The following C4orf17 variants were observed in gnomAD, a reference collection of about 807,000 sequenced individuals.
C4orf17 encodes the protein chromosome 4 open reading frame 17.
Under a neutral mutation model 32.0 loss-of-function variants are expected in C4orf17, and 25 were observed. The ratio of observed to expected loss-of-function variants is 0.78; its 90% confidence interval spans 0.57 to 1.09. The LOEUF (loss-of-function observed/expected upper bound fraction) is 1.09. C4orf17 is among the 50% of genes least tolerant of loss of function. C4orf17 has a pLI of 0.00. For synonymous variants in C4orf17, 149 were observed against 145.8 expected (o/e 1.02, Z -0.16); for missense variants, 420 against 420.0 (o/e 1.00, Z 0.00).
chr4:99,516,966 A>G (rs1723198682), intron 2 of C4orf17, among the ~76,000 whole-genome samples: 2 of 151,868 alleles, frequency 1.3e-5, no homozygotes, highest in Non-Finnish European at 2.9e-5. Context: ...AAGAGGATCT[A>G]TTGGCTCAAG....
chr4:99,533,893 T>C (rs1046340787), intron 5 of C4orf17, among the ~76,000 whole-genome samples: 1 of 152,190 alleles, frequency 6.6e-6, no homozygotes, highest in Non-Finnish European at 1.5e-5. Flanking sequence ...CTAGGCTAGA[T>C]TCTCAAATCC....
intron 2 of C4orf17, among the ~76,000 whole-genome samples, chr4:99,514,691 G>A (rs938031513): frequency 6.6e-6 from 1 of 152,152 alleles, no homozygotes; most frequent in Non-Finnish European, 1.5e-5. Flanking sequence ...TGGAAAAACA[G>A]TATGTAGATT....
At chr4:99,536,275 C>T (rs34398286) in intron 5 of C4orf17, 14,278 of 174,278 alleles carry the variant, frequency 0.082, 1,191 homozygotes, top group African/African-American at 0.21. Flanking sequence ...TTGTGGGGAA[C>T]TCTTCCACGT....
At chr4:99,539,125 C>A in intron 6 of C4orf17, 38 bp from the exon 7 acceptor site, 1 of 1,572,276 alleles carries the variant, frequency 6.4e-7, no homozygotes, top group Non-Finnish European at 8.7e-7. Flanking sequence ...ATAATTGCAA[C>A]CTTCACTCCT....
chr4:99,523,556 A>G (rs1364758379), intron 3 of C4orf17, among the ~76,000 whole-genome samples: 2 of 152,140 alleles, frequency 1.3e-5, no homozygotes, highest in African/African-American at 4.8e-5. Flanking sequence ...AAGCCCACTT[A>G]TTTTCCCTTA....
rs771843873 is a variant in C4orf17 at position 99,537,699 on chromosome 4, A to G, written c.577A>G (p.Thr193Ala). Residue 193 changes from threonine to alanine, a missense_variant, in exon 6 of 9, where the codon ACT (threonine) becomes GCT (alanine). Thr to Ala is a moderately conservative substitution (Grantham distance 58, BLOSUM62 0). Coordinates refer to ENST00000326581, the MANE Select transcript of C4orf17 (RefSeq NM_032149.3). ...ILAKLCSILH[T>A]DSLAEVLQWL... ...GGCAAAGCTCTGTAGCATTTTGCAT[A>G]CTGATTCTCTGGCAGAAGTTTTACA... 6.2e-7 allele frequency: 1 copy of G among 1,612,822 alleles called. No homozygotes were observed. The highest frequency in any genetic ancestry group is 1.7e-5 in the Admixed American group (1 of 60,026).
chr4:99,536,126 G>C (rs1723558084), intron 5 of C4orf17: 1 of 333,914 alleles, frequency 3.0e-6, no homozygotes, highest in African/African-American at 2.2e-5. Flanking sequence ...GGGGTACTGA[G>C]CTGTTGCTGG....
intron 5 of C4orf17, among the ~76,000 whole-genome samples, chr4:99,537,296 C>T (rs1450754296): frequency 2.6e-5 from 4 of 152,090 alleles, no homozygotes; most frequent in African/African-American, 4.8e-5. Flanking sequence ...GGTGCACAGG[C>T]GGTTGGACAC....
intron 5 of C4orf17, among the ~76,000 whole-genome samples, chr4:99,535,266 A>C (rs755455977): frequency 3.9e-5 from 6 of 152,066 alleles, no homozygotes; most frequent in Non-Finnish European, 8.8e-5. Flanking sequence ...AGATTTCCTG[A>C]ATTTGAATGT....
chr4:99,516,763 G>T (rs928242431), intron 2 of C4orf17, among the ~76,000 whole-genome samples: 2 of 152,152 alleles, frequency 1.3e-5, no homozygotes, highest in Admixed American at 6.5e-5. Flanking sequence ...CCAGATTTAG[G>T]CAGGCTCTGG....
intron 2 of C4orf17, 42 bp from the exon 3 acceptor site, chr4:99,522,458 G>C (rs1428671635): frequency 3.4e-6 from 5 of 1,458,272 alleles, no homozygotes; most frequent in Non-Finnish European, 4.8e-6. Flanking sequence ...CATCTAATCT[G>C]GTTGCTTGAT....
intron 4 of C4orf17, among the ~76,000 whole-genome samples, chr4:99,525,091 G>A (rs1377795324): frequency 6.6e-6 from 1 of 152,078 alleles, no homozygotes; most frequent in Non-Finnish European, 1.5e-5. Flanking sequence ...TACCTGTTGA[G>A]GGACATTTAG....
intron 3 of C4orf17, 56 bp downstream of exon 3, chr4:99,522,765 G>T (rs1402770557): frequency 3.6e-6 from 5 of 1,385,580 alleles, no homozygotes; most frequent in Non-Finnish European, 4.1e-6. Context: ...AAACAAGGCT[G>T]TGGGGAGTCT....
At chr4:99,537,562 T>C in intron 5 of C4orf17, 107 bp from the exon 6 acceptor site, 2 of 791,508 alleles carry the variant, frequency 2.5e-6, no homozygotes, top group Non-Finnish European at 4.4e-6. Context: ...TTGCACATCA[T>C]ATACAAAGTG....
At position 99,524,562 on chromosome 4, in the gene C4orf17, GAGA is replaced by G. The variant is rs904125112; in HGVS notation, c.381_383del (p.Glu127_Asn128delinsAsp). On this transcript the variant is annotated inframe_deletion, in exon 4 of 9. Transcript: ENST00000326581. ...TAAAGAGTGCTTCAAAACTTCCAGTGAGAATCCCTTAGTAATTAAAAAGGTAAG... is the reference window on the plus strand; with the variant it reads ...TAAAGAGTGCTTCAAAACTTCCAGTGATCCCTTAGTAATTAAAAAGGTAAG... The G allele has an allele frequency of 2.5e-6, 4 of 1,603,850 alleles. No homozygotes were observed. Among genetic ancestry groups the G allele is most frequent in the African/African-American group, 1.3e-5 (1 of 74,554 alleles).
At chr4:99,541,189 A>T (rs1444378937) in intron 8 of C4orf17, 1 of 152,270 alleles carries the variant, frequency 6.6e-6, no homozygotes, top group Non-Finnish European at 1.5e-5. Flanking sequence ...GGGTCACCCT[A>T]GACTCCAGCA....
At chr4:99,525,620 C>T (rs1236324915) in intron 4 of C4orf17, among the ~76,000 whole-genome samples, 1 of 151,974 alleles carries the variant, frequency 6.6e-6, no homozygotes, top group Non-Finnish European at 1.5e-5. Flanking sequence ...TGGTGAAACC[C>T]CGTCTCTACT....
chr4:99,540,185 T>G (rs1723631822), intron 7 of C4orf17, among the ~76,000 whole-genome samples: 1 of 152,124 alleles, frequency 6.6e-6, no homozygotes, highest in Non-Finnish European at 1.5e-5. Context: ...AGAGTTAATC[T>G]GTACCTTAAT....
At chr4:99,520,072 C>T (rs951255722) in intron 2 of C4orf17, among the ~76,000 whole-genome samples, 2 of 150,872 alleles carry the variant, frequency 1.3e-5, no homozygotes, top group Non-Finnish European at 2.9e-5. Context: ...GGGAAAAAAC[C>T]CCAAAACCCA....
Sources: gnomAD v4.1 joint callset for allele counts (sites outside exome capture counted in the v4.1 genomes callset) on GRCh38, gnomAD v4.1.1 for gene constraint, MANE v1.5 for transcripts, NCBI Gene and HGNC (gene_info 2026-07-23, HGNC 2026-07-21) for gene names.